The following THEM4 variants were observed in gnomAD, a reference collection of about 807,000 sequenced individuals.
THEM4 encodes the protein thioesterase superfamily member 4.
In THEM4, 22 loss-of-function variants were observed where a neutral mutation model predicts 25.0. The ratio of observed to expected loss-of-function variants is 0.88; its 90% CI spans 0.63 to 1.26. THEM4 has a LOEUF of 1.26. Among genes scored for constraint, THEM4 ranks in the 50% most tolerant of loss-of-function variants. The pLI, the probability that THEM4 is intolerant of heterozygous loss-of-function variation, is 0.00. For synonymous variants in THEM4, 113 were observed against 105.6 expected (o/e 1.07, Z -0.43); for missense variants, 286 against 300.3 (o/e 0.95, Z 0.35).
intron 2 of THEM4, among the ~76,000 whole-genome samples, chr1:151,893,387 A>AC (rs554496688): frequency 5.7e-5 from 8 of 141,196 alleles, no homozygotes; most frequent in South Asian, 2.3e-4. Flanking sequence ...CAAAAACAAA[A>AC]AAAACAAAAA....
At chr1:151,878,891 T>TACACACACACACACACACACACAC (rs55900104) in intron 4 of THEM4, among the ~76,000 whole-genome samples, 38 of 138,638 alleles carry the variant, frequency 2.7e-4, no homozygotes, top group African/African-American at 9.6e-4. Context: ...TATATGTCTA[T>TACACACACACACACACACACACAC]ACACACACAC....
At chr1:151,906,201 G>T (rs559964728) in intron 1 of THEM4, among the ~76,000 whole-genome samples, 2 of 152,360 alleles carry the variant, frequency 1.3e-5, no homozygotes, top group African/African-American at 4.8e-5. Context: ...TTCCAGGTGG[G>T]TGTGGGCTTG....
intron 1 of THEM4, among the ~76,000 whole-genome samples, chr1:151,899,438 C>A (rs975492991): frequency 4.0e-5 from 6 of 149,074 alleles, no homozygotes; most frequent in Non-Finnish European, 5.9e-5. Flanking sequence ...TTGCAGTGAG[C>A]CAAGATTGTG....
intron 2 of THEM4, 122 bp downstream of exon 2, chr1:151,894,886 C>A: frequency 8.9e-7 from 1 of 1,128,890 alleles, no homozygotes; most frequent in Admixed American, 2.0e-5. Flanking sequence ...AAATTGGTGA[C>A]TATAGAACCA....
At chr1:151,907,719 T>C (rs968394406) in intron 1 of THEM4, among the ~76,000 whole-genome samples, 3 of 152,224 alleles carry the variant, frequency 2.0e-5, no homozygotes, top group Non-Finnish European at 2.9e-5. Context: ...TTTGGTCTTA[T>C]GGCATTCCTC....
chr1:151,888,034 T>C (rs1254005362), intron 4 of THEM4, among the ~76,000 whole-genome samples: 1 of 152,198 alleles, frequency 6.6e-6, no homozygotes, highest in Non-Finnish European at 1.5e-5. Context: ...GGCATAAATT[T>C]CATTCTAGAG....
At position 151,871,172 on chromosome 1, in the gene THEM4, A is replaced by C. The variant is rs1455598611; in HGVS notation, c.*3716T>G. Among the ~76,000 whole-genome samples the C allele has an allele frequency of 1.3e-5, 2 of 152,104 alleles. No individual in the cohort carries two copies. The highest frequency in any genetic ancestry group is 2.9e-5 in the Non-Finnish European group (2 of 68,012). On this transcript the variant is annotated 3_prime_UTR_variant, in exon 6 of 6. Coordinates refer to ENST00000368814, the MANE Select transcript of THEM4 (RefSeq NM_053055.5). ...AAACCCTGTCTCTACAAACAATACA[A>C]AAATTAGCTGGGTTTGGTGGTGTAT...
intron 2 of THEM4, among the ~76,000 whole-genome samples, chr1:151,894,303 A>C (rs1187250907): frequency 6.6e-6 from 1 of 152,264 alleles, no homozygotes; most frequent in Non-Finnish European, 1.5e-5. Context: ...GTCATTACAC[A>C]GTTGTTAAAA....
intron 1 of THEM4, among the ~76,000 whole-genome samples, chr1:151,908,936 C>T (rs1466482749): frequency 6.6e-6 from 1 of 151,890 alleles, no homozygotes; most frequent in Non-Finnish European, 1.5e-5. Flanking sequence ...AATTAATTGA[C>T]CTAAAGGAAG....
intron 1 of THEM4, among the ~76,000 whole-genome samples, chr1:151,902,054 A>C (rs1156339596): frequency 6.6e-6 from 1 of 152,218 alleles, no homozygotes; most frequent in Non-Finnish European, 1.5e-5. Context: ...CTGAAAGAGC[A>C]CAAACAGACA....
intron 1 of THEM4, among the ~76,000 whole-genome samples, chr1:151,905,854 G>C (rs550517955): frequency 6.6e-6 from 1 of 152,234 alleles, no homozygotes; most frequent in Non-Finnish European, 1.5e-5. Context: ...GGCTGCGGCC[G>C]TCTGGGCACC....
rs1249866656 is a variant in THEM4, at chr1:151,870,926, C to G, written c.*3962G>C. On this transcript the variant is annotated 3_prime_UTR_variant, in exon 6 of 6. Coordinates refer to ENST00000368814, the MANE Select transcript of THEM4 (RefSeq NM_053055.5). ...ACATTTAGAAACCTGGGAGTAAGAGCAAAAACTCACGGCCTAATTATGTTT... is the reference window on the plus strand; with the variant it reads ...ACATTTAGAAACCTGGGAGTAAGAGGAAAAACTCACGGCCTAATTATGTTT... Among the ~76,000 whole-genome samples, 1 of 152,076 alleles carries G rather than the reference C, an allele frequency of 6.6e-6. No homozygotes were observed. Among genetic ancestry groups the G allele is most frequent in the Non-Finnish European group, 1.5e-5 (1 of 68,012 alleles).
intron 4 of THEM4, 38 bp downstream of exon 4, chr1:151,888,235 A>G (rs769584456): frequency 6.5e-7 from 1 of 1,540,442 alleles, no homozygotes; most frequent in Non-Finnish European, 8.9e-7. Flanking sequence ...CTGACTTAAC[A>G]ACACCTAAGG....
intron 1 of THEM4, among the ~76,000 whole-genome samples, chr1:151,908,978 G>A (rs981397515): frequency 2.0e-5 from 3 of 152,040 alleles, no homozygotes; most frequent in Non-Finnish European, 2.9e-5. Flanking sequence ...TTTTTTAAAG[G>A]GAAGATAAAA....
chr1:151,883,578 C>T (rs1025642137), intron 4 of THEM4, among the ~76,000 whole-genome samples: 3 of 151,948 alleles, frequency 2.0e-5, no homozygotes, highest in African/African-American at 7.3e-5. Context: ...AAAGCCAAAC[C>T]ATATCAGAAT....
chr1:151,897,708 C>G (rs547241808), intron 1 of THEM4, among the ~76,000 whole-genome samples: 2 of 152,174 alleles, frequency 1.3e-5, no homozygotes, highest in Non-Finnish European at 2.9e-5. Context: ...GACCCACAGA[C>G]CCTCTGAAGG....
At chr1:151,890,280 G>C (rs1654068448) in intron 2 of THEM4, 1 of 430,592 alleles carries the variant, frequency 2.3e-6, no homozygotes, top group Admixed American at 2.6e-5. Flanking sequence ...TAGTGCACTT[G>C]TTTAGACACA....
At position 151,907,060 on chromosome 1, in the gene THEM4, A is replaced by G. The variant is rs187605510; in HGVS notation, c.99+2300T>C. 6.9e-3 allele frequency among the ~76,000 whole-genome samples: 1,046 copies of G among 152,238 alleles called. 13 individuals carry two copies. Among genetic ancestry groups the G allele is most frequent in the Middle Eastern group, 0.014 (4 of 294 alleles). ...GCTGCTGCTCACTCTTTGGGTCCAC[A>G]CTGCCTTTATGAGCTGTAACACTCA... is the stretch of plus-strand genomic sequence containing the variant. On this transcript the variant is annotated intron_variant, in intron 1 of 5. Transcript: ENST00000368814.
At chr1:151,890,109 T>A in intron 2 of THEM4, 1 of 408,690 alleles carries the variant, frequency 2.4e-6, no homozygotes, top group Non-Finnish European at 4.9e-6. Flanking sequence ...TTTCTCCGTG[T>A]TGGTCAGGCT....
Sources: allele counts gnomAD v4.1 joint callset (sites outside exome capture counted in the v4.1 genomes callset), GRCh38; gene constraint gnomAD v4.1.1; transcripts MANE v1.5; gene names NCBI Gene and HGNC (gene_info 2026-07-23, HGNC 2026-07-21).